The following LDLRAD3 variants were observed in gnomAD, a reference collection of about 807,000 sequenced individuals.
The protein encoded by LDLRAD3 is low density lipoprotein receptor class A domain containing 3, also known as low-density lipoprotein receptor class A domain-containing protein 3.
Under a neutral mutation model 29.4 loss-of-function variants are expected in LDLRAD3, and 20 were observed. The ratio of observed to expected loss-of-function variants is 0.68; its 90% confidence interval spans 0.48 to 0.99. The LOEUF (loss-of-function observed/expected upper bound fraction) is 0.99. LDLRAD3 is among the 50% of genes least tolerant of loss of function. LDLRAD3 has a pLI of 0.00. For missense variants in LDLRAD3, 420 were observed against 454.3 expected (o/e 0.92, Z 0.69); for synonymous variants, 157 against 192.7 (o/e 0.81, Z 1.53).
At chr11:36,038,506 T>A (rs770831732) in intron 2 of LDLRAD3, among the ~76,000 whole-genome samples, 5 of 152,226 alleles carry the variant, frequency 3.3e-5, no homozygotes, top group Non-Finnish European at 5.9e-5. Context: ...AGTTGATTCC[T>A]AAATTGTATG....
chr11:36,171,119 C>T (rs979304181), intron 4 of LDLRAD3, among the ~76,000 whole-genome samples: 8 of 152,058 alleles, frequency 5.3e-5, no homozygotes, highest in Admixed American at 3.3e-4. Context: ...TATTTGTGTC[C>T]TTAGCCCACT....
chr11:36,096,272 ATC>A (rs1853359734), intron 3 of LDLRAD3, among the ~76,000 whole-genome samples: 1 of 152,216 alleles, frequency 6.6e-6, no homozygotes, highest in Non-Finnish European at 1.5e-5. Context: ...TGCAGCTGTG[ATC>A]TCTGTGTGTT....
intron 1 of LDLRAD3, among the ~76,000 whole-genome samples, chr11:35,965,471 G>A (rs1851328750): frequency 6.6e-6 from 1 of 152,170 alleles, no homozygotes; most frequent in African/African-American, 2.4e-5. Flanking sequence ...GAGGCTCCAA[G>A]GCTGTGGCTG....
intron 1 of LDLRAD3, among the ~76,000 whole-genome samples, chr11:36,001,758 CGTGTGTGTGTGTGTGT>C (rs3220787): frequency 0.017 from 2,526 of 148,426 alleles, 58 homozygotes; most frequent in East Asian, 0.13. Flanking sequence ...ATATTGTATA[CGTGTGTGTGTGTGTGT>C]GTGTGTGTGT....
At chr11:36,024,022 G>GTCTGGCC (rs1477420702) in intron 1 of LDLRAD3, among the ~76,000 whole-genome samples, 1 of 152,162 alleles carries the variant, frequency 6.6e-6, no homozygotes, top group Non-Finnish European at 1.5e-5. Flanking sequence ...AAAACCTGGT[G>GTCTGGCC]TCTGGCCCCA....
At chr11:35,997,775 A>G (rs1851773666) in intron 1 of LDLRAD3, 1 of 163,070 alleles carries the variant, frequency 6.1e-6, no homozygotes. Context: ...AGTGGAGACT[A>G]TTCTTATTCC....
chr11:36,132,852 T>C (rs951266694), intron 4 of LDLRAD3, among the ~76,000 whole-genome samples: 1 of 152,194 alleles, frequency 6.6e-6, no homozygotes, highest in Non-Finnish European at 1.5e-5. Flanking sequence ...GAGCACCACG[T>C]TAGTCAGCAG....
intron 1 of LDLRAD3, among the ~76,000 whole-genome samples, chr11:35,956,861 G>A (rs377346096): frequency 7.2e-5 from 11 of 151,994 alleles, no homozygotes; most frequent in East Asian, 3.9e-4. Flanking sequence ...TCAGCCTCCT[G>A]AGTAGCTGGG....
At chr11:36,003,145 A>C (rs1366316400) in intron 1 of LDLRAD3, among the ~76,000 whole-genome samples, 1 of 152,198 alleles carries the variant, frequency 6.6e-6, no homozygotes, top group African/African-American at 2.4e-5. Context: ...TATCAATATC[A>C]GAGGTGATGA....
intron 3 of LDLRAD3, among the ~76,000 whole-genome samples, chr11:36,096,434 C>T (rs1038866865): frequency 7.9e-5 from 12 of 152,142 alleles, no homozygotes; most frequent in African/African-American, 2.9e-4. Flanking sequence ...TGGTGCTGTA[C>T]CCACCACATG....
chr11:36,169,080 A>G (rs1224515442), intron 4 of LDLRAD3, among the ~76,000 whole-genome samples: 3 of 152,182 alleles, frequency 2.0e-5, no homozygotes, highest in Non-Finnish European at 2.9e-5. Flanking sequence ...GGGTGAGTGC[A>G]GACTACAGTT....
intron 4 of LDLRAD3, among the ~76,000 whole-genome samples, chr11:36,163,798 A>G (rs1003407066): frequency 2.6e-5 from 4 of 152,228 alleles, no homozygotes; most frequent in African/African-American, 9.6e-5. Context: ...TAGATTTGAT[A>G]TATAGATTGA....
chr11:36,022,503 T>A (rs757190283), intron 1 of LDLRAD3, among the ~76,000 whole-genome samples: 6 of 152,170 alleles, frequency 3.9e-5, no homozygotes, highest in Non-Finnish European at 7.3e-5. Context: ...GGTCTGTGAC[T>A]ACTTTGCTCC....
chr11:36,021,303 AGTT>A (rs888574311), intron 1 of LDLRAD3, among the ~76,000 whole-genome samples: 5 of 152,332 alleles, frequency 3.3e-5, no homozygotes, highest in Non-Finnish European at 7.3e-5. Flanking sequence ...TTGTTTAAGC[AGTT>A]GGGAGCAAAA....
chr11:35,951,348 T>C (rs1253731213), intron 1 of LDLRAD3, among the ~76,000 whole-genome samples: 1 of 152,196 alleles, frequency 6.6e-6, no homozygotes. Context: ...TGTAGTTTTT[T>C]GGCTGGCTTT....
chr11:36,215,527 G>A (rs1370373467), intron 4 of LDLRAD3, among the ~76,000 whole-genome samples: 1 of 152,124 alleles, frequency 6.6e-6, no homozygotes, highest in Non-Finnish European at 1.5e-5. Context: ...GTTTGGCATC[G>A]GATATGTCTT....
intron 2 of LDLRAD3, among the ~76,000 whole-genome samples, chr11:36,045,545 C>T (rs1379475954): frequency 6.6e-6 from 1 of 152,096 alleles, no homozygotes; most frequent in Non-Finnish European, 1.5e-5. Context: ...TATACTTTGG[C>T]CACTGATTAG....
chr11:36,191,572 C>A (rs1197862923), intron 4 of LDLRAD3, among the ~76,000 whole-genome samples: 1,528 of 73,654 alleles, frequency 0.021, 7 homozygotes, highest in East Asian at 0.027. Flanking sequence ...CTCTCTCTCT[C>A]TCTCTATATA....
At chr11:36,163,667 T>G (rs1854475152) in intron 4 of LDLRAD3, 1 of 149,134 alleles carries the variant, frequency 6.7e-6, no homozygotes, top group African/African-American at 2.5e-5. Context: ...TAGAACAGTC[T>G]TCCAAAGAGG....
Sources: gnomAD v4.1 joint callset for allele counts (sites outside exome capture counted in the v4.1 genomes callset) on GRCh38, gnomAD v4.1.1 for gene constraint, MANE v1.5 for transcripts, NCBI Gene and HGNC (gene_info 2026-07-23, HGNC 2026-07-21) for gene names.